PDE1A: variants seen among roughly 807,000 people sequenced by gnomAD.
The protein encoded by PDE1A is phosphodiesterase 1A.
In PDE1A, 35 loss-of-function variants were observed where a neutral mutation model predicts 61.7. The observed-to-expected ratio is 0.57, with a 90% confidence interval of 0.43 to 0.75. PDE1A has a LOEUF of 0.75. Among genes scored for constraint, PDE1A ranks in the 30% least tolerant of loss-of-function variants. The pLI is 0.00. For synonymous variants in PDE1A, 232 were observed against 213.2 expected (o/e 1.09, Z -0.77); for missense variants, 597 against 630.6 (o/e 0.95, Z 0.57).
At chr2:182,663,827 TA>T in the PDE1A span, among the ~76,000 whole-genome samples, 536 of 147,232 alleles carry the variant, frequency 3.6e-3, 2 homozygotes, top group African/African-American at 0.012. Context: ...ACTTAAAAGT[TA>T]AAAAAAAAAA....
At chr2:182,557,718 AT>A in the PDE1A span, among the ~76,000 whole-genome samples, 10 of 152,046 alleles carry the variant, frequency 6.6e-5, no homozygotes, top group South Asian at 2.1e-4. Context: ...TCTCAAAAAA[AT>A]AATAATAAAA....
chr2:182,157,141 A>G (rs1288126533), intron 13 of PDE1A, among the ~76,000 whole-genome samples: 1 of 151,020 alleles, frequency 6.6e-6, no homozygotes. Flanking sequence ...CAGCCTTCCC[A>G]GTAGCTGGGA....
At chr2:182,178,009 C>A (rs957164274) in intron 13 of PDE1A, among the ~76,000 whole-genome samples, 3 of 152,034 alleles carry the variant, frequency 2.0e-5, no homozygotes, top group Admixed American at 1.3e-4. Flanking sequence ...TTTTTCATTT[C>A]TCTTCTGAAA....
intron 7 of PDE1A, among the ~76,000 whole-genome samples, chr2:182,213,114 C>A (rs897292547): frequency 1.3e-5 from 2 of 150,308 alleles, no homozygotes; most frequent in African/African-American, 2.5e-5. Flanking sequence ...TGACCCCTGA[C>A]CCCCGAGCAG....
chr2:182,188,871 A>G (rs1685460641), intron 11 of PDE1A, 108 bp downstream of exon 11: 2 of 700,496 alleles, frequency 2.9e-6, no homozygotes, highest in Non-Finnish European at 5.1e-6. Flanking sequence ...TATCATGAAT[A>G]TGGAGTGAGG....
the PDE1A span, among the ~76,000 whole-genome samples, chr2:182,651,846 T>C: frequency 6.6e-6 from 1 of 152,180 alleles, no homozygotes; most frequent in Non-Finnish European, 1.5e-5. Context: ...AAGGCTGTGA[T>C]GGCAGGCCTA....
the PDE1A span, among the ~76,000 whole-genome samples, chr2:182,661,027 G>A: frequency 1.3e-5 from 2 of 152,152 alleles, no homozygotes; most frequent in African/African-American, 4.8e-5. Flanking sequence ...ATTGGTTTTT[G>A]TTTTTGAAGA....
intron 1 of PDE1A, among the ~76,000 whole-genome samples, chr2:182,386,739 G>A (rs988433231): frequency 4.0e-4 from 60 of 151,838 alleles, no homozygotes; most frequent in Middle Eastern, 6.9e-3. Context: ...CAGCCACCTC[G>A]TCCAGGAGGG....
intron 11 of PDE1A, 105 bp from the exon 12 acceptor site, chr2:182,186,693 C>T (rs868013112): frequency 2.7e-6 from 3 of 1,100,630 alleles, no homozygotes; most frequent in East Asian, 2.5e-5. Context: ...CCTGGGATAG[C>T]AAGAATCAAC....
chr2:182,182,036 G>T (rs143008397), intron 13 of PDE1A, among the ~76,000 whole-genome samples: 1 of 151,908 alleles, frequency 6.6e-6, no homozygotes, highest in Non-Finnish European at 1.5e-5. Flanking sequence ...ACTTTATTTT[G>T]CAGTCATGAA....
downstream of PDE1A, among the ~76,000 whole-genome samples, chr2:182,162,905 T>C (rs954770702): frequency 1.3e-5 from 2 of 152,132 alleles, no homozygotes; most frequent in Admixed American, 6.5e-5. Context: ...CCACATTGGT[T>C]CCCTAACTAG....
At chr2:182,351,142 G>A (rs1337862754) in intron 1 of PDE1A, among the ~76,000 whole-genome samples, 2 of 152,098 alleles carry the variant, frequency 1.3e-5, no homozygotes, top group Non-Finnish European at 2.9e-5. Flanking sequence ...TGTCTTCTAG[G>A]GACTCTAGAA....
chr2:182,522,582 C>A (rs147087775), intron 1 of PDE1A: 18,951 of 1,373,872 alleles, frequency 0.014, 220 homozygotes, highest in Middle Eastern at 0.036. Flanking sequence ...CTCACCACCC[C>A]CCTAAGCAGA....
intron 2 of PDE1A, among the ~76,000 whole-genome samples, chr2:182,491,096 T>C (rs1237379124): frequency 5.3e-5 from 8 of 152,232 alleles, no homozygotes; most frequent in African/African-American, 1.9e-4. Context: ...TAATTACTTT[T>C]AAAACAGCAA....
chr2:182,430,092 G>A (rs994684884), upstream of PDE1A, among the ~76,000 whole-genome samples: 3 of 152,108 alleles, frequency 2.0e-5, no homozygotes, highest in Non-Finnish European at 4.4e-5. Flanking sequence ...GTTTTACCAT[G>A]ACACATATAT....
At chr2:182,496,260 A>T (rs1170875055) in intron 2 of PDE1A, among the ~76,000 whole-genome samples, 3 of 149,960 alleles carry the variant, frequency 2.0e-5, no homozygotes, top group African/African-American at 7.3e-5. Context: ...ATTGTCCAGC[A>T]TTTAAATACT....
chr2:182,531,641 C>T, the PDE1A span, among the ~76,000 whole-genome samples: 23 of 152,176 alleles, frequency 1.5e-4, no homozygotes, highest in African/African-American at 5.1e-4. Context: ...GTATTGTTCA[C>T]GTATTTTCTT....
At chr2:182,338,803 T>TGACCC (rs1468163075) in intron 1 of PDE1A, among the ~76,000 whole-genome samples, 1 of 152,206 alleles carries the variant, frequency 6.6e-6, no homozygotes, top group Admixed American at 6.5e-5. Flanking sequence ...ATTACAGGTG[T>TGACCC]GACCCGCTGT....
At chr2:182,234,855 T>A (rs943796737) in intron 3 of PDE1A, among the ~76,000 whole-genome samples, 10 of 152,206 alleles carry the variant, frequency 6.6e-5, no homozygotes, top group African/African-American at 1.9e-4. Flanking sequence ...TTGTTTTATG[T>A]CCATTTATAT....
Sources: allele counts gnomAD v4.1 joint callset (sites outside exome capture counted in the v4.1 genomes callset), GRCh38; gene constraint gnomAD v4.1.1; transcripts MANE v1.5; gene names NCBI Gene and HGNC (gene_info 2026-07-23, HGNC 2026-07-21).